Variants in EML5 observed in about 807,000 individuals in gnomAD.
EML5 encodes the protein echinoderm microtubule-associated protein-like 5.
EML5 carries 120 observed loss-of-function variants against 250.0 expected under a neutral mutation model. That is an observed-to-expected ratio of 0.48 (90% CI 0.41 to 0.56). The LOEUF (loss-of-function observed/expected upper bound fraction) is 0.56. EML5 is among the 20% of genes least tolerant of loss of function. The probability of loss-of-function intolerance (pLI) is 0.00; values close to 1 mark genes in which losing one functional copy is unlikely to be tolerated. For missense variants in EML5, 2,006 were observed against 2,437.6 expected, an observed-to-expected ratio of 0.82 and a Z score of 3.73; for synonymous variants, 771 against 806.5, an observed-to-expected ratio of 0.96 and a Z score of 0.75.
At chr14:88,631,530 A>G (rs1462915263) in intron 33 of EML5, among the ~76,000 whole-genome samples, 2 of 152,226 alleles carry the variant, frequency 1.3e-5, no homozygotes, top group African/African-American at 2.4e-5. Flanking sequence ...GCACTTTGAG[A>G]AGCTGAGGCG....
At chr14:88,638,725 A>C in intron 32 of EML5, 84 bp downstream of exon 32, 1 of 1,136,902 alleles carries the variant, frequency 8.8e-7, no homozygotes. Flanking sequence ...AATCAATAAA[A>C]TTTTGATTTT....
chr14:88,647,965 T>G (rs1369427083), intron 28 of EML5, among the ~76,000 whole-genome samples: 1 of 152,178 alleles, frequency 6.6e-6, no homozygotes, highest in Non-Finnish European at 1.5e-5. Context: ...CTAAAGAGCC[T>G]AAGTTCCACC....
intron 21 of EML5, among the ~76,000 whole-genome samples, chr14:88,680,601 T>C (rs1418901197): frequency 6.6e-6 from 1 of 152,170 alleles, no homozygotes; most frequent in East Asian, 1.9e-4. Flanking sequence ...ATACATTAAC[T>C]GTACTCATTA....
intron 13 of EML5, among the ~76,000 whole-genome samples, chr14:88,703,121 T>A (rs1043215575): frequency 6.6e-6 from 1 of 152,022 alleles, no homozygotes; most frequent in Non-Finnish European, 1.5e-5. Flanking sequence ...AATAGCTAAA[T>A]CTAAGCTATA....
Position 88,705,214 on chromosome 14 carries a change from A to G in EML5, c.1933-236T>C, listed in dbSNP as rs566506433. ...TTCCAGGAAATTTTTATACTTCATA[A>G]AAGAATATTGTTAAAGGAATAAATG... On this transcript the variant is annotated intron_variant, in intron 12 of 43. Coordinates refer to ENST00000554922, the MANE Select transcript of EML5 (RefSeq NM_183387.3). 2.6e-5 allele frequency among the ~76,000 whole-genome samples: 4 copies of G among 152,296 alleles called. No homozygotes were observed. In the East Asian group the frequency reaches 7.7e-4, roughly 29 times the overall value.
rs150433760 is a variant in EML5 at position 88,732,540 on chromosome 14, G to T, written c.1049+3824C>A. 6.0e-4 allele frequency among the ~76,000 whole-genome samples: 92 copies of T among 152,254 alleles called. 1 individual carries two copies. In the East Asian group the frequency reaches 0.016, roughly 26 times the overall value. Reference sequence around the variant, plus strand: ...GTTCTTTTGGCTTAGGATTGTCTTGGCAATGTGGGCCCTTTTTTGATTCCA... The same window carrying T: ...GTTCTTTTGGCTTAGGATTGTCTTGTCAATGTGGGCCCTTTTTTGATTCCA... On this transcript the variant is annotated intron_variant, in intron 7 of 43. Transcript: ENST00000554922.
chr14:88,688,284 T>C lies in EML5; in HGVS notation c.2729A>G (p.His910Arg). 4.3e-6 allele frequency: 7 copies of C among 1,613,944 alleles called. No individual in the cohort carries two copies. The highest frequency in any genetic ancestry group is 3.4e-6 in the Non-Finnish European group (4 of 1,179,880). ...KAHDGPVFSM[H>R]ALEKGFVTGG... Reference sequence around the variant, plus strand: ...TAGGTTACTTACTTTTTCCAATGCATGCATACTGAACACTGGCCCATCATG... The same window carrying C: ...TAGGTTACTTACTTTTTCCAATGCACGCATACTGAACACTGGCCCATCATG... The change falls in exon 18 of 44, where the codon CAT becomes CGT. Residue 910 changes from histidine (H) to arginine (R), a missense_variant. By Grantham distance (29) the His-to-Arg change is conservative. Coordinates refer to ENST00000554922, the MANE Select transcript of EML5 (RefSeq NM_183387.3).
At chr14:88,656,772 C>A (rs1015723054) in intron 27 of EML5, among the ~76,000 whole-genome samples, 4 of 152,122 alleles carry the variant, frequency 2.6e-5, no homozygotes, top group Admixed American at 1.3e-4. Flanking sequence ...AAGAAAGGCA[C>A]ATGGATAGGC....
chr14:88,683,106 A>G (rs1306766962), intron 20 of EML5, among the ~76,000 whole-genome samples: 3 of 152,294 alleles, frequency 2.0e-5, no homozygotes, highest in African/African-American at 7.2e-5. Context: ...CTATTCTTGA[A>G]TATTTTTTCT....
chr14:88,724,410 T>C (rs960553584), intron 8 of EML5, among the ~76,000 whole-genome samples: 1 of 152,206 alleles, frequency 6.6e-6, no homozygotes, highest in African/African-American at 2.4e-5. Context: ...AGTTAGAATT[T>C]TGTGGTTCAC....
chr14:88,656,077 G>A (rs998978897), intron 27 of EML5, among the ~76,000 whole-genome samples: 3 of 152,158 alleles, frequency 2.0e-5, no homozygotes, highest in African/African-American at 7.2e-5. Context: ...CAAGGATCTA[G>A]AACTAGAAAT....
intron 2 of EML5, among the ~76,000 whole-genome samples, chr14:88,753,193 C>T (rs1483778261): frequency 6.6e-6 from 1 of 152,140 alleles, no homozygotes; most frequent in Non-Finnish European, 1.5e-5. Context: ...CCCAAAGGCA[C>T]TCACCCCAGC....
At chr14:88,676,377 G>A (rs1318132541) in intron 21 of EML5, among the ~76,000 whole-genome samples, 2 of 152,160 alleles carry the variant, frequency 1.3e-5, no homozygotes, top group Non-Finnish European at 2.9e-5. Context: ...TAGAGTGAGT[G>A]GAAGGAGGTG....
chr14:88,766,007 C>T (rs986729598), intron 1 of EML5, among the ~76,000 whole-genome samples: 2 of 152,182 alleles, frequency 1.3e-5, no homozygotes, highest in Admixed American at 6.5e-5. Context: ...GTCTTTACTG[C>T]AATCTCTGAA....
At chr14:88,714,205 C>T (rs2093454483) in intron 9 of EML5, among the ~76,000 whole-genome samples, 1 of 152,260 alleles carries the variant, frequency 6.6e-6, no homozygotes, top group African/African-American at 2.4e-5. Context: ...ATTATATTCA[C>T]TTAATTAGTT....
intron 1 of EML5, among the ~76,000 whole-genome samples, chr14:88,761,278 T>C (rs2094238831): frequency 6.6e-6 from 1 of 152,182 alleles, no homozygotes; most frequent in Non-Finnish European, 1.5e-5. Flanking sequence ...GGTATACATG[T>C]GTCATGGTGG....
chr14:88,695,030 TATATA>T (rs1337462348), intron 16 of EML5, among the ~76,000 whole-genome samples: 3 of 152,116 alleles, frequency 2.0e-5, no homozygotes, highest in Non-Finnish European at 2.9e-5. Flanking sequence ...TTCACTTTAA[TATATA>T]ATATAAGCAT....
At chr14:88,658,720 C>T (rs537516939) in intron 25 of EML5, among the ~76,000 whole-genome samples, 1 of 152,172 alleles carries the variant, frequency 6.6e-6, no homozygotes, top group East Asian at 1.9e-4. Flanking sequence ...CTAAGAAATG[C>T]TATCTGTGTA....
intron 31 of EML5, among the ~76,000 whole-genome samples, chr14:88,641,507 G>A (rs1392883933): frequency 6.6e-6 from 1 of 152,090 alleles, no homozygotes; most frequent in African/African-American, 2.4e-5. Flanking sequence ...GGCATGCAAG[G>A]TTGGTTCAAC....
Sources: gnomAD v4.1 joint callset for allele counts (sites outside exome capture counted in the v4.1 genomes callset) on GRCh38, gnomAD v4.1.1 for gene constraint, MANE v1.5 for transcripts, NCBI Gene and HGNC (gene_info 2026-07-23, HGNC 2026-07-21) for gene names.